The following B3GALT1 variants were observed in gnomAD, a reference collection of about 807,000 sequenced individuals.
B3GALT1 encodes UDP-Gal:betaGlcNAc beta 1,3-galactosyltransferase, polypeptide 1.
Under a neutral mutation model 23.2 loss-of-function variants are expected in B3GALT1, and 10 were observed. That is an observed-to-expected ratio of 0.43 (90% CI 0.27 to 0.73). The LOEUF (loss-of-function observed/expected upper bound fraction) is 0.73. B3GALT1 is among the 30% of genes least tolerant of loss of function. B3GALT1 has a pLI of 0.21. For synonymous variants in B3GALT1, 156 were observed against 141.5 expected, an observed-to-expected ratio of 1.10 and a Z score of -0.73; for missense variants, 299 against 405.4, an observed-to-expected ratio of 0.74 and a Z score of 2.25.
intron 1 of B3GALT1, among the ~76,000 whole-genome samples, chr2:167,354,347 CTT>C (rs373088288): frequency 0.72 from 82,189 of 114,548 alleles, 29,781 homozygotes; most frequent in East Asian, 0.87. Context: ...GGTAAATCTT[CTT>C]TTTTTTTTTT....
chr2:167,431,505 G>A (rs1001315891), intron 1 of B3GALT1, among the ~76,000 whole-genome samples: 11 of 152,058 alleles, frequency 7.2e-5, no homozygotes, highest in African/African-American at 2.7e-4. Context: ...GTTTAGTGTT[G>A]GAAAAATATC....
chr2:167,598,375 T>C (rs2105421734), intron 2 of B3GALT1, among the ~76,000 whole-genome samples: 1 of 152,262 alleles, frequency 6.6e-6, no homozygotes, highest in South Asian at 2.1e-4. Context: ...AAGGAAGTTT[T>C]TAAGATAAAC....
intron 2 of B3GALT1, among the ~76,000 whole-genome samples, chr2:167,527,180 A>G (rs1269504097): frequency 6.6e-6 from 1 of 152,078 alleles, no homozygotes; most frequent in Non-Finnish European, 1.5e-5. Flanking sequence ...ATATGAAACT[A>G]CCACAGTTAA....
intron 2 of B3GALT1, among the ~76,000 whole-genome samples, chr2:167,634,662 T>A (rs1307512467): frequency 6.6e-6 from 1 of 151,864 alleles, no homozygotes; most frequent in Non-Finnish European, 1.5e-5. Context: ...AAAAGTCAAA[T>A]CCCTGAATAG....
In B3GALT1 at chr2:167,516,672, G is replaced by C. The variant is rs1255416061; in HGVS notation, c.-410+26395G>C. ...GTTAAGATGCTCAGAATGATGCCTGGCACAAAATAGAAACTATATAACTTT... is the reference window on the plus strand; with the variant it reads ...GTTAAGATGCTCAGAATGATGCCTGCCACAAAATAGAAACTATATAACTTT... On this transcript the variant is annotated intron_variant, in intron 2 of 4. Coordinates refer to ENST00000392690, the MANE Select transcript of B3GALT1 (RefSeq NM_020981.4). 2.0e-5 allele frequency among the ~76,000 whole-genome samples: 3 copies of C among 151,904 alleles called. No individual in the cohort carries two copies. In the East Asian group the frequency reaches 5.8e-4, roughly 29 times the overall value.
chr2:167,569,522 A>T lies in B3GALT1; in HGVS notation c.-409-77387A>T, dbSNP rs1163327643. ...TGCCTTGCTAGTATATGGTAAAGCAATTGACTTTTATACAATTGCTTATCA... is the reference window on the plus strand; with the variant it reads ...TGCCTTGCTAGTATATGGTAAAGCATTTGACTTTTATACAATTGCTTATCA... On this transcript the variant is annotated intron_variant, in intron 2 of 4. Transcript: ENST00000392690. Among the ~76,000 whole-genome samples the T allele has an allele frequency of 3.3e-5, 5 of 152,016 alleles. No individual in the cohort carries two copies. In the East Asian group the frequency reaches 9.7e-4, roughly 29 times the overall value.
At chr2:167,451,347 C>T (rs1314431744) in intron 1 of B3GALT1, among the ~76,000 whole-genome samples, 1 of 152,142 alleles carries the variant, frequency 6.6e-6, no homozygotes, top group Non-Finnish European at 1.5e-5. Flanking sequence ...AGGTCTAGGG[C>T]TCAAGGCTGC....
At chr2:167,430,163 G>A (rs535972578) in intron 1 of B3GALT1, among the ~76,000 whole-genome samples, 1 of 152,260 alleles carries the variant, frequency 6.6e-6, no homozygotes, top group South Asian at 2.1e-4. Context: ...CTTCAGAAGG[G>A]GTTAGAGAAT....
chr2:167,819,776 A>T (rs543464859), intron 4 of B3GALT1, among the ~76,000 whole-genome samples: 8 of 152,312 alleles, frequency 5.3e-5, no homozygotes, highest in African/African-American at 1.9e-4. Context: ...AGTTCAACAA[A>T]ACTCCAATTC....
intron 3 of B3GALT1, among the ~76,000 whole-genome samples, chr2:167,757,641 C>G (rs1179703159): frequency 6.6e-6 from 1 of 152,128 alleles, no homozygotes; most frequent in Non-Finnish European, 1.5e-5. Flanking sequence ...TAGGACAGGA[C>G]TGATCACAAT....
Position 167,789,907 on chromosome 2 carries a change from G to A in B3GALT1, c.-351-28765G>A, listed in dbSNP as rs143557135. Among the ~76,000 whole-genome samples the A allele has an allele frequency of 3.3e-3, 507 of 152,248 alleles. 6 individuals carry two copies. Among genetic ancestry groups the A allele is most frequent in the African/African-American group, 0.011 (475 of 41,554 alleles). ...CAAATCTGCAGAGAGAAGGGTGACC[G>A]TGCGGTAGGCCCACTCCTCTTGTCC... On this transcript the variant is annotated intron_variant, in intron 3 of 4. Transcript: ENST00000392690.
At chr2:167,560,266 G>C (rs1248041117) in intron 2 of B3GALT1, among the ~76,000 whole-genome samples, 1 of 152,002 alleles carries the variant, frequency 6.6e-6, no homozygotes, top group Non-Finnish European at 1.5e-5. Flanking sequence ...GACAGATTTT[G>C]TCACCACCAG....
chr2:167,338,357 C>T (rs1322427370), intron 1 of B3GALT1, among the ~76,000 whole-genome samples: 1 of 152,008 alleles, frequency 6.6e-6, no homozygotes, highest in East Asian at 1.9e-4. Context: ...TAGAATGTAG[C>T]CTTACCTATC....
At chr2:167,326,569 T>G (rs969367164) in intron 1 of B3GALT1, among the ~76,000 whole-genome samples, 6 of 152,024 alleles carry the variant, frequency 3.9e-5, no homozygotes, top group Admixed American at 6.5e-5. Flanking sequence ...GTCTTGAGAC[T>G]TATGTTTCAG....
Position 167,366,575 on chromosome 2 carries a change from C to G in B3GALT1, c.-511+73241C>G, listed in dbSNP as rs538557563. Among the ~76,000 whole-genome samples, 65 of 152,178 alleles carry G rather than the reference C, an allele frequency of 4.3e-4. 2 individuals carry two copies. The South Asian group carries it at 0.013, about 30-fold the overall frequency. On this transcript the variant is annotated intron_variant, in intron 1 of 4. Coordinates refer to ENST00000392690, the MANE Select transcript of B3GALT1 (RefSeq NM_020981.4). ...GTCATTAGAGTCATTAAAAAAAGAT[C>G]AAATACAATGTTTCAGTTGTCTGTT...
chr2:167,686,118 A>C (rs1327974275), intron 3 of B3GALT1, among the ~76,000 whole-genome samples: 2 of 152,184 alleles, frequency 1.3e-5, no homozygotes, highest in Admixed American at 6.5e-5. Context: ...TTTCATTTTG[A>C]GAAAAATTAA....
chr2:167,463,347 T>A (rs999410408), intron 1 of B3GALT1, among the ~76,000 whole-genome samples: 10 of 152,152 alleles, frequency 6.6e-5, no homozygotes, highest in African/African-American at 2.2e-4. Flanking sequence ...GTTCTCCACG[T>A]GAGTCTATAC....
intron 1 of B3GALT1, among the ~76,000 whole-genome samples, chr2:167,379,750 G>C (rs769491530): frequency 1.3e-5 from 2 of 152,210 alleles, no homozygotes; most frequent in Admixed American, 6.5e-5. Flanking sequence ...GGGCCATACT[G>C]GGCAGGTCCA....
chr2:167,442,406 G>T (rs1202243950), intron 1 of B3GALT1, among the ~76,000 whole-genome samples: 2 of 152,076 alleles, frequency 1.3e-5, no homozygotes, highest in African/African-American at 2.4e-5. Context: ...TAATGGGATT[G>T]CTGGGTCAAA....
Sources: allele counts gnomAD v4.1 joint callset (sites outside exome capture counted in the v4.1 genomes callset), GRCh38; gene constraint gnomAD v4.1.1; transcripts MANE v1.5; gene names NCBI Gene and HGNC (gene_info 2026-07-23, HGNC 2026-07-21).